ARHGAP6: variants seen among roughly 807,000 people sequenced by gnomAD.
The protein encoded by ARHGAP6 is Rho GTPase activating protein 6.
Under a neutral mutation model 55.7 loss-of-function variants are expected in ARHGAP6, and 16 were observed. The observed-to-expected ratio is 0.29, with a 90% CI of 0.19 to 0.44. The LOEUF is 0.44. Among genes scored for constraint, ARHGAP6 ranks in the 20% least tolerant of loss-of-function variants. ARHGAP6 has a pLI of 1.00. For synonymous variants in ARHGAP6, 382 were observed against 360.9 expected (o/e 1.06, Z -0.66); for missense variants, 698 against 808.9 (o/e 0.86, Z 1.66).
intron 1 of ARHGAP6, among the ~76,000 whole-genome samples, chrX:11,567,446 C>T (rs199792510): frequency 1.0e-4 from 11 of 106,402 alleles, no homozygotes; most frequent in East Asian, 5.8e-4. Flanking sequence ...CGCAGCTACT[C>T]GGGAGGCTGA....
intron 1 of ARHGAP6, among the ~76,000 whole-genome samples, chrX:11,282,218 A>G: frequency 8.9e-6 from 1 of 112,195 alleles, no homozygotes; most frequent in Non-Finnish European, 1.9e-5. Flanking sequence ...AAAGTAATTC[A>G]CTCGGATGGG....
Position 11,664,820 on chromosome X carries a change from C to A in ARHGAP6, c.9G>T (p.Ala3=), listed in dbSNP as rs1050953515. Residue 3 remains alanine, a synonymous_variant, in exon 1 of 13, where the codon GCG becomes GCT. Coordinates refer to ENST00000337414, the MANE Select transcript of ARHGAP6 (RefSeq NM_013427.3). MS[A]QSLLHSVFSC... ...AGAAGACGCTGTGGAGCAGGCTCTG[C>A]GCGGACATCTCGGCGGGGCTGCACC... 2 of 1,188,177 alleles carry A rather than the reference C, an allele frequency of 1.7e-6. No individual in the cohort carries two copies. Among genetic ancestry groups the A allele is most frequent in the African/African-American group, 1.7e-5 (1 of 57,147 alleles).
chrX:11,543,384 G>A (rs781516961), intron 1 of ARHGAP6, among the ~76,000 whole-genome samples: 27 of 112,489 alleles, frequency 2.4e-4, no homozygotes, highest in Admixed American at 9.4e-4. Flanking sequence ...GGGGACATTC[G>A]GCAATGTCAT....
intron 1 of ARHGAP6, chrX:11,293,382 T>C (rs2048027125): frequency 8.9e-6 from 1 of 112,271 alleles, no homozygotes; most frequent in Non-Finnish European, 1.9e-5. Context: ...CCATGAATGA[T>C]ATAAATTGAG....
intron 7 of ARHGAP6, 138 bp downstream of exon 7, chrX:11,179,164 C>T: frequency 8.5e-6 from 5 of 590,401 alleles, no homozygotes; most frequent in Non-Finnish European, 7.5e-6. Flanking sequence ...TGAGAAATTC[C>T]CTCAAATAGC....
intron 1 of ARHGAP6, among the ~76,000 whole-genome samples, chrX:11,621,558 T>C (rs1467628024): frequency 9.0e-6 from 1 of 111,472 alleles, no homozygotes; most frequent in Non-Finnish European, 1.9e-5. Flanking sequence ...TTTTAGTGAA[T>C]TAGATTTTGA....
intron 1 of ARHGAP6, among the ~76,000 whole-genome samples, chrX:11,634,276 TAATAA>T (rs2052393898): frequency 9.0e-6 from 1 of 111,289 alleles, no homozygotes; most frequent in Non-Finnish European, 1.9e-5. Context: ...TATGAAGACA[TAATAA>T]AATAAAAATT....
At chrX:11,519,462 G>A (rs780850456) in intron 1 of ARHGAP6, among the ~76,000 whole-genome samples, 18 of 105,603 alleles carry the variant, frequency 1.7e-4, no homozygotes, top group African/African-American at 5.2e-4. Flanking sequence ...CATGTCCTTC[G>A]CCCACTTTTT....
intron 1 of ARHGAP6, among the ~76,000 whole-genome samples, chrX:11,270,301 T>A (rs1458886382): frequency 9.0e-6 from 1 of 111,699 alleles, no homozygotes; most frequent in Non-Finnish European, 1.9e-5. Flanking sequence ...ACACAGAGCA[T>A]CCAACAGAGA....
chrX:11,596,130 T>C (rs954223236), intron 1 of ARHGAP6, among the ~76,000 whole-genome samples: 2 of 112,274 alleles, frequency 1.8e-5, no homozygotes, highest in African/African-American at 6.5e-5. Flanking sequence ...CATATATGCT[T>C]ATTGTGGCAC....
intron 9 of ARHGAP6, among the ~76,000 whole-genome samples, chrX:11,157,338 TTTA>T (rs1362908774): frequency 8.9e-6 from 1 of 112,683 alleles, no homozygotes; most frequent in African/African-American, 3.2e-5. Flanking sequence ...CATATGTCAC[TTTA>T]TTATTCGGTG....
At chrX:11,425,219 C>T (rs1329262232) in intron 1 of ARHGAP6, among the ~76,000 whole-genome samples, 1 of 111,274 alleles carries the variant, frequency 9.0e-6, no homozygotes, top group Non-Finnish European at 1.9e-5. Flanking sequence ...TCATTCATGT[C>T]AAGGAAGACA....
Position 11,174,518 on chromosome X carries a change from T to TTTCCTTCC in ARHGAP6, c.1629+3574_1629+3581dup, listed in dbSNP as rs1183794863. Reference sequence around the variant, plus strand: ...AAATCCCAAGGCCATTCTTTCTTTCTTTCCTTCCTTCCTTCCTTCCTTCCT... The same window carrying TTTCCTTCC: ...AAATCCCAAGGCCATTCTTTCTTTCTTTCCTTCCTTCCTTCCTTCCTTCCTTCCTTCCT... On this transcript the variant is annotated intron_variant, in intron 8 of 12. Coordinates refer to ENST00000337414, the MANE Select transcript of ARHGAP6 (RefSeq NM_013427.3). Among the ~76,000 whole-genome samples the TTTCCTTCC allele has an allele frequency of 5.8e-3, 401 of 69,519 alleles. 4 individuals carry two copies. The highest frequency in any genetic ancestry group is 7.9e-3 in the East Asian group (15 of 1,903). 60.4% of individuals were successfully genotyped at this position (69,519 alleles called of 115,157 possible). A position where few individuals can be genotyped will look rare whatever the true frequency, so the allele number is the denominator to read the frequency against.
At chrX:11,657,665 C>T (rs1469761329) in intron 1 of ARHGAP6, among the ~76,000 whole-genome samples, 1 of 111,152 alleles carries the variant, frequency 9.0e-6, no homozygotes, top group Non-Finnish European at 1.9e-5. Context: ...AGCTCAACTA[C>T]AAGATTCCAG....
chrX:11,632,399 T>C (rs1056802681), intron 1 of ARHGAP6, among the ~76,000 whole-genome samples: 3 of 112,369 alleles, frequency 2.7e-5, no homozygotes, highest in Admixed American at 9.4e-5. Flanking sequence ...AGAAAGCCTT[T>C]GGGGTTACCA....
At chrX:11,634,076 ATT>A (rs35973352) in intron 1 of ARHGAP6, among the ~76,000 whole-genome samples, 17 of 90,737 alleles carry the variant, frequency 1.9e-4, no homozygotes, top group Admixed American at 3.6e-4. Flanking sequence ...GTGCTTGGCT[ATT>A]TTTTTTTTTT....
intron 1 of ARHGAP6, among the ~76,000 whole-genome samples, chrX:11,331,871 T>C (rs2048566835): frequency 8.9e-6 from 1 of 112,104 alleles, no homozygotes; most frequent in Non-Finnish European, 1.9e-5. Flanking sequence ...TGTTTGTTGA[T>C]TAGACTTTCC....
chrX:11,357,442 T>C (rs1464849192), intron 1 of ARHGAP6, among the ~76,000 whole-genome samples: 2 of 111,187 alleles, frequency 1.8e-5, no homozygotes, highest in East Asian at 2.8e-4. Context: ...ATGGAAAATG[T>C]TTTCTCTTTT....
At chrX:11,454,906 C>A (rs964728264) in intron 1 of ARHGAP6, among the ~76,000 whole-genome samples, 4 of 111,530 alleles carry the variant, frequency 3.6e-5, no homozygotes, top group Non-Finnish European at 7.5e-5. Flanking sequence ...GACTATGAAC[C>A]AATATTGAAC....
Sources: gnomAD v4.1 joint callset for allele counts (sites outside exome capture counted in the v4.1 genomes callset) on GRCh38, gnomAD v4.1.1 for gene constraint, MANE v1.5 for transcripts, NCBI Gene and HGNC (gene_info 2026-07-23, HGNC 2026-07-21) for gene names.